The following RAB11FIP3 variants were observed in gnomAD, a reference collection of about 807,000 sequenced individuals.
The protein encoded by RAB11FIP3 is rab11 family-interacting protein 3.
Under a neutral mutation model 77.8 loss-of-function variants are expected in RAB11FIP3, and 17 were observed. The ratio of observed to expected loss-of-function variants is 0.22; its 90% CI spans 0.15 to 0.33. The LOEUF is 0.33. Among genes scored for constraint, RAB11FIP3 ranks in the 10% least tolerant of loss-of-function variants. The pLI is 1.00. For synonymous variants in RAB11FIP3, 437 were observed against 448.2 expected (o/e 0.98, Z 0.31); for missense variants, 1,005 against 1,011.2 (o/e 0.99, Z 0.08).
At chr16:477,174 G>T (rs966918949) in intron 3 of RAB11FIP3, among the ~76,000 whole-genome samples, 2 of 151,156 alleles carry the variant, frequency 1.3e-5, no homozygotes, top group African/African-American at 4.9e-5. Flanking sequence ...GAATCGCTTG[G>T]ACCTGGGAGG....
At chr16:459,069 CA>C (rs1490665133) in intron 1 of RAB11FIP3, among the ~76,000 whole-genome samples, 1 of 151,750 alleles carries the variant, frequency 6.6e-6, no homozygotes, top group African/African-American at 2.4e-5. Flanking sequence ...AATGTCATCA[CA>C]CCTACAAAAA....
At chr16:520,328 A>G in intron 12 of RAB11FIP3, 51 bp downstream of exon 12, 7 of 1,558,880 alleles carry the variant, frequency 4.5e-6, no homozygotes, top group Non-Finnish European at 6.1e-6. Flanking sequence ...AGCTTCCACA[A>G]GACTGGTTGG....
intron 9 of RAB11FIP3, among the ~76,000 whole-genome samples, chr16:512,244 G>A (rs911973626): frequency 1.3e-5 from 2 of 151,498 alleles, no homozygotes; most frequent in Non-Finnish European, 2.9e-5. Flanking sequence ...TTTTTGGGTG[G>A]GGGTGGGTGG....
Position 470,754 on chromosome 16 carries a change from T to G in RAB11FIP3, c.809-541T>G, listed in dbSNP as rs1478405489. The stretch of plus-strand genomic sequence containing the variant: ...CTGTCTCTCATGAGAAGATAGCTTT[T>G]CCTTTAAAGTTTTTCTCATAGAACA... On this transcript the variant is annotated intron_variant, in intron 2 of 13. Transcript: ENST00000262305. 2.0e-5 allele frequency among the ~76,000 whole-genome samples: 3 copies of G among 152,314 alleles called. No homozygotes were observed. The East Asian group carries it at 5.8e-4, about 29-fold the overall frequency.
At chr16:469,677 A>C in intron 2 of RAB11FIP3, among the ~76,000 whole-genome samples, 1 of 152,218 alleles carries the variant, frequency 6.6e-6, no homozygotes. Context: ...GGCGTGAGCC[A>C]CCACACCCGG....
At chr16:462,081 G>C (rs2055616396) in intron 2 of RAB11FIP3, among the ~76,000 whole-genome samples, 1 of 152,254 alleles carries the variant, frequency 6.6e-6, no homozygotes, top group African/African-American at 2.4e-5. Flanking sequence ...CTCCGACAGA[G>C]TCCTGTGCCT....
At chr16:453,224 G>A (rs1375782827) in intron 1 of RAB11FIP3, among the ~76,000 whole-genome samples, 2 of 151,530 alleles carry the variant, frequency 1.3e-5, no homozygotes, top group African/African-American at 4.9e-5. Flanking sequence ...ACAGGTGCCC[G>A]CCACCACGCC....
At chr16:455,714 G>A (rs1026902715) in intron 1 of RAB11FIP3, among the ~76,000 whole-genome samples, 1 of 152,038 alleles carries the variant, frequency 6.6e-6, no homozygotes, top group Non-Finnish European at 1.5e-5. Context: ...TCCCACCTCA[G>A]CCTTCCAAGT....
Position 436,076 on chromosome 16 carries a change from C to T in RAB11FIP3, c.714+9356C>T, listed in dbSNP as rs562807235. ...CTGTAATCCCAGCACTTTGGGAGGCCGACGCCGGCGACTCACAAGGTCAGG... is the reference window on the plus strand; with the variant it reads ...CTGTAATCCCAGCACTTTGGGAGGCTGACGCCGGCGACTCACAAGGTCAGG... On this transcript the variant is annotated intron_variant, in intron 1 of 13. Transcript: ENST00000262305. Among the ~76,000 whole-genome samples, 6 of 152,100 alleles carry T rather than the reference C, an allele frequency of 3.9e-5. No homozygotes were observed. The East Asian group carries it at 5.8e-4, about 15-fold the overall frequency.
intron 4 of RAB11FIP3, among the ~76,000 whole-genome samples, chr16:488,439 T>G (rs1244493809): frequency 4.6e-5 from 7 of 152,094 alleles, no homozygotes; most frequent in African/African-American, 1.7e-4. Flanking sequence ...GACAGGGCCT[T>G]GCTCTGTCAC....
intron 5 of RAB11FIP3, among the ~76,000 whole-genome samples, chr16:492,382 G>GTCCGT (rs1567391895): frequency 6.9e-6 from 1 of 144,218 alleles, no homozygotes; most frequent in African/African-American, 2.6e-5. Context: ...ACCCGAGGCC[G>GTCCGT]CCCAGAGCCC....
At position 456,739 on chromosome 16, in the gene RAB11FIP3, G is replaced by A. The variant is rs528699209; in HGVS notation, c.715-4665G>A. ...ACCACTGCACTCCATCCTGGGCGAC[G>A]GAGTGAGACTCCATCTCAACAACAA... On this transcript the variant is annotated intron_variant, in intron 1 of 13. Transcript: ENST00000262305. Among the ~76,000 whole-genome samples, 52 of 152,180 alleles carry A rather than the reference G, an allele frequency of 3.4e-4. No individual in the cohort carries two copies. The South Asian group carries it at 0.011, about 32-fold the overall frequency.
intron 1 of RAB11FIP3, among the ~76,000 whole-genome samples, chr16:448,275 C>T (rs2055349945): frequency 6.7e-6 from 1 of 148,578 alleles, no homozygotes; most frequent in African/African-American, 2.5e-5. Flanking sequence ...CGAGATTGCG[C>T]CATTGCACTC....
At chr16:511,386 A>T (rs368895740) in intron 9 of RAB11FIP3, among the ~76,000 whole-genome samples, 10 of 101,690 alleles carry the variant, frequency 9.8e-5, no homozygotes, top group Admixed American at 2.2e-4. Flanking sequence ...GCCAGGTAGG[A>T]GAGGTTCCCG....
chr16:458,494 CCGA>C (rs2055542878), intron 1 of RAB11FIP3, among the ~76,000 whole-genome samples: 2 of 40,866 alleles, frequency 4.9e-5, no homozygotes, highest in African/African-American at 1.3e-4. Context: ...CTCGGGTTCA[CCGA>C]TGCCCACAGG....
intron 1 of RAB11FIP3, among the ~76,000 whole-genome samples, chr16:446,041 T>G (rs920357313): frequency 6.6e-6 from 1 of 152,080 alleles, no homozygotes; most frequent in African/African-American, 2.4e-5. Context: ...TGGGTCCTAC[T>G]TGCTCTTGGG....
intron 1 of RAB11FIP3, among the ~76,000 whole-genome samples, chr16:452,171 C>A (rs1344696045): frequency 1.3e-5 from 2 of 150,618 alleles, no homozygotes; most frequent in Non-Finnish European, 3.0e-5. Context: ...AGGAAACAAA[C>A]AAACAAACAA....
chr16:509,758 C>G (rs1030287052), intron 8 of RAB11FIP3, among the ~76,000 whole-genome samples: 13 of 152,218 alleles, frequency 8.5e-5, no homozygotes, highest in South Asian at 2.1e-4. Flanking sequence ...GGGCCCCCCC[C>G]CCACTTGTGG....
intron 8 of RAB11FIP3, among the ~76,000 whole-genome samples, chr16:509,045 A>C (rs2032010166): frequency 6.6e-6 from 1 of 152,066 alleles, no homozygotes; most frequent in Non-Finnish European, 1.5e-5. Context: ...CTGGGACTAC[A>C]GGCACCTGCC....
Sources: gnomAD v4.1 joint callset for allele counts (sites outside exome capture counted in the v4.1 genomes callset) on GRCh38, gnomAD v4.1.1 for gene constraint, MANE v1.5 for transcripts, NCBI Gene and HGNC (gene_info 2026-07-23, HGNC 2026-07-21) for gene names.